Variants in ATP6V1E1 observed in about 807,000 individuals in gnomAD.
ATP6V1E1 encodes V-type proton ATPase subunit E 1.
In ATP6V1E1, 21 loss-of-function variants were observed where a neutral mutation model predicts 35.2. That is an observed-to-expected ratio of 0.60 (90% CI 0.42 to 0.86). The LOEUF (loss-of-function observed/expected upper bound fraction) is 0.86, where lower values mean the gene tolerates loss of function less well. Ranked by LOEUF, ATP6V1E1 falls within the 40% of genes least tolerant of loss-of-function variation. The pLI, the probability that ATP6V1E1 is intolerant of heterozygous loss-of-function variation, is 0.00. For missense variants in ATP6V1E1, 183 were observed against 272.6 expected, an observed-to-expected ratio of 0.67 and a Z score of 2.32; for synonymous variants, 83 against 87.8, an observed-to-expected ratio of 0.95 and a Z score of 0.30.
At chr22:17,598,860 G>A (rs757192384) in intron 6 of ATP6V1E1, among the ~76,000 whole-genome samples, 9 of 152,304 alleles carry the variant, frequency 5.9e-5, no homozygotes, top group East Asian at 5.8e-4. Context: ...ACAGATATCC[G>A]TATACCCATG....
rs2146301330 is a variant in ATP6V1E1 at position 17,603,959 on chromosome 22, C to T, written c.277-2778G>A. Among the ~76,000 whole-genome samples, 2 of 152,276 alleles carry T rather than the reference C, an allele frequency of 1.3e-5. 1 individual carries two copies. Among genetic ancestry groups the T allele is most frequent in the Middle Eastern group, 6.8e-3 (2 of 294 alleles). On this transcript the variant is annotated intron_variant, in intron 4 of 8. Transcript: ENST00000253413. ...ACTCCAGTAAATTAAGTAATGTCAA[C>T]TTGTGGAGCGTGCTACTAGCCATTT...
In ATP6V1E1 at chr22:17,592,729, G is replaced by A; in HGVS notation, c.626C>T (p.Pro209Leu). ...RLDLIAQQMM[P>L]EVRGALFGAN... ...ACCAAACAAGGCTCCCCGGACTTCTGGCATCATCTGTGGAGAGAAAGTGTA... is the reference window on the plus strand; with the variant it reads ...ACCAAACAAGGCTCCCCGGACTTCTAGCATCATCTGTGGAGAGAAAGTGTA... The change falls in exon 9 of 9, where the codon CCA (proline) becomes CTA (leucine). Residue 209 changes from proline (P) to leucine (L), a missense_variant. By Grantham distance (98) the Pro-to-Leu change is moderately conservative. Transcript: ENST00000253413. The A allele has an allele frequency of 6.2e-7, 1 of 1,613,670 alleles. No individual in the cohort carries two copies. Among genetic ancestry groups the A allele is most frequent in the Non-Finnish European group, 8.5e-7 (1 of 1,179,776 alleles).
chr22:17,619,759 T>C (rs1444162474), intron 1 of ATP6V1E1, among the ~76,000 whole-genome samples: 3 of 152,178 alleles, frequency 2.0e-5, no homozygotes, highest in Non-Finnish European at 2.9e-5. Flanking sequence ...TGAATGCATA[T>C]TGTGCTAGGC....
intron 2 of ATP6V1E1, chr22:17,619,206 C>A: frequency 2.0e-6 from 1 of 490,056 alleles, no homozygotes; most frequent in Non-Finnish European, 3.7e-6. Flanking sequence ...GTAGGAGAAT[C>A]ACTTGAACCT....
At chr22:17,599,757 T>C (rs901823593) in intron 6 of ATP6V1E1, among the ~76,000 whole-genome samples, 1 of 150,372 alleles carries the variant, frequency 6.7e-6, no homozygotes, top group East Asian at 2.0e-4. Flanking sequence ...CTCCCTCTAC[T>C]AAAAATACAA....
intron 2 of ATP6V1E1, 90 bp downstream of exon 2, chr22:17,619,371 T>C: frequency 9.0e-7 from 1 of 1,116,888 alleles, no homozygotes; most frequent in Non-Finnish European, 1.3e-6. Context: ...TGCAATCTGT[T>C]GTTAAGCAGT....
intron 1 of ATP6V1E1, among the ~76,000 whole-genome samples, chr22:17,621,253 T>C (rs1252382495): frequency 2.6e-5 from 4 of 152,154 alleles, no homozygotes; most frequent in Non-Finnish European, 4.4e-5. Flanking sequence ...GCCTATCTTA[T>C]CATGTAACAC....
At chr22:17,605,061 CA>C (rs2057778919) in intron 4 of ATP6V1E1, among the ~76,000 whole-genome samples, 1 of 150,158 alleles carries the variant, frequency 6.7e-6, no homozygotes, top group Non-Finnish European at 1.5e-5. Flanking sequence ...ACCTAAAATA[CA>C]AAAAATTAGT....
intron 5 of ATP6V1E1, among the ~76,000 whole-genome samples, chr22:17,600,398 A>G (rs934925374): frequency 6.6e-6 from 1 of 152,112 alleles, no homozygotes; most frequent in African/African-American, 2.4e-5. Context: ...GATGATGTCA[A>G]TGCACTCCTG....
intron 1 of ATP6V1E1, 48 bp downstream of exon 1, chr22:17,628,555 C>T: frequency 6.2e-7 from 1 of 1,613,382 alleles, no homozygotes; most frequent in South Asian, 1.1e-5. Context: ...CCAGCCCACT[C>T]CCCGGGACTG....
At chr22:17,604,295 T>C (rs1385917799) in intron 4 of ATP6V1E1, among the ~76,000 whole-genome samples, 1 of 152,206 alleles carries the variant, frequency 6.6e-6, no homozygotes, top group Non-Finnish European at 1.5e-5. Context: ...CACAGCAACA[T>C]GTGTCTCTCA....
rs185605208 is a variant in ATP6V1E1 at position 17,598,790 on chromosome 22, A to C, written c.436-502T>G. Among the ~76,000 whole-genome samples, 269 of 152,328 alleles carry C rather than the reference A, an allele frequency of 1.8e-3. 1 individual carries two copies. Among genetic ancestry groups the C allele is most frequent in the Admixed American group, 4.0e-3 (61 of 15,296 alleles). On this transcript the variant is annotated intron_variant, in intron 6 of 8. Transcript: ENST00000253413. ...AGGTCCTCAAAAAATGAAGTACACA[A>C]TTACCACATGATCCAGCAATTCTAC... is the stretch of plus-strand genomic sequence containing the variant.
rs959158072 is a variant in ATP6V1E1, at chr22:17,596,132, A to T, written c.531-1516T>A. ...GGGTGAGAGTGAGACTCTGTCTCAA[A>T]AAATAAATAAATAAATAAATAAGAT... On this transcript the variant is annotated intron_variant, in intron 7 of 8. Transcript: ENST00000253413. Among the ~76,000 whole-genome samples the T allele has an allele frequency of 5.9e-5, 9 of 151,882 alleles. No homozygotes were observed. The South Asian group carries it at 6.2e-4, about 10-fold the overall frequency.
intron 2 of ATP6V1E1, chr22:17,619,041 C>T (rs1427849025): frequency 1.1e-5 from 5 of 454,514 alleles, no homozygotes; most frequent in East Asian, 6.9e-5. Context: ...TACCTGTAAT[C>T]CCAGCACTTG....
chr22:17,599,011 C>T (rs2057747600), intron 6 of ATP6V1E1, among the ~76,000 whole-genome samples: 1 of 152,104 alleles, frequency 6.6e-6, no homozygotes, highest in Non-Finnish European at 1.5e-5. Flanking sequence ...TTCTGACCCA[C>T]CCTACAGGGA....
chr22:17,612,730 A>G, intron 4 of ATP6V1E1, 82 bp downstream of exon 4: 1 of 1,098,980 alleles, frequency 9.1e-7, no homozygotes, highest in East Asian at 2.6e-5. Context: ...TCAACTCCTT[A>G]ATTAATGTTA....
intron 1 of ATP6V1E1, among the ~76,000 whole-genome samples, chr22:17,624,799 C>G (rs772097587): frequency 6.6e-6 from 1 of 151,452 alleles, no homozygotes; most frequent in Admixed American, 6.6e-5. Flanking sequence ...CCAGCCTAGG[C>G]GACAAAGCAA....
intron 1 of ATP6V1E1, among the ~76,000 whole-genome samples, chr22:17,628,155 G>A (rs2057931439): frequency 6.6e-6 from 1 of 151,868 alleles, no homozygotes; most frequent in African/African-American, 2.4e-5. Flanking sequence ...AGTAGAGACC[G>A]GGGTTTCACC....
At chr22:17,628,365 G>A (rs1359117073) in intron 1 of ATP6V1E1, among the ~76,000 whole-genome samples, 1 of 152,240 alleles carries the variant, frequency 6.6e-6, no homozygotes, top group East Asian at 1.9e-4. Context: ...AAAGAGCCAG[G>A]GCGTTCAAGA....
Sources: allele counts gnomAD v4.1 joint callset (sites outside exome capture counted in the v4.1 genomes callset), GRCh38; gene constraint gnomAD v4.1.1; transcripts MANE v1.5; gene names NCBI Gene and HGNC (gene_info 2026-07-23, HGNC 2026-07-21).